ELOVL7: variants seen among roughly 807,000 people sequenced by gnomAD.
ELOVL7 encodes ELOVL fatty acid elongase 7.
Under a neutral mutation model 35.7 loss-of-function variants are expected in ELOVL7, and 27 were observed. That is an observed-to-expected ratio of 0.76 (90% CI 0.56 to 1.04). The LOEUF (loss-of-function observed/expected upper bound fraction) is 1.04. Ranked by LOEUF, ELOVL7 falls within the 50% of genes least tolerant of loss-of-function variation. The probability of loss-of-function intolerance (pLI) is 0.00; values close to 1 mark genes in which losing one functional copy is unlikely to be tolerated. For missense variants in ELOVL7, 327 were observed against 340.8 expected (o/e 0.96, Z 0.32); for synonymous variants, 113 against 114.6 (o/e 0.99, Z 0.09).
At chr5:60,828,184 G>A (rs1276641644) in intron 1 of ELOVL7, among the ~76,000 whole-genome samples, 3 of 151,980 alleles carry the variant, frequency 2.0e-5, no homozygotes, top group African/African-American at 7.3e-5. Flanking sequence ...GGACCCCTTT[G>A]ACCCCTCACC....
At chr5:60,794,579 T>G (rs1464370850) in intron 2 of ELOVL7, among the ~76,000 whole-genome samples, 1 of 152,218 alleles carries the variant, frequency 6.6e-6, no homozygotes, top group East Asian at 1.9e-4. Context: ...CTTTCAAATG[T>G]AGAGATTTAT....
chr5:60,806,602 A>T (rs1055191405), intron 1 of ELOVL7, among the ~76,000 whole-genome samples: 1 of 152,156 alleles, frequency 6.6e-6, no homozygotes, highest in African/African-American at 2.4e-5. Flanking sequence ...AAGAAAAAGA[A>T]ATGATGAAAA....
chr5:60,823,395 T>C (rs889068346), intron 1 of ELOVL7, among the ~76,000 whole-genome samples: 1 of 152,176 alleles, frequency 6.6e-6, no homozygotes, highest in African/African-American at 2.4e-5. Context: ...AATTGCCTAA[T>C]TGACCTGCCT....
chr5:60,837,313 G>GGA (rs1201486090), intron 1 of ELOVL7, among the ~76,000 whole-genome samples: 2 of 107,746 alleles, frequency 1.9e-5, no homozygotes, highest in African/African-American at 8.0e-5. Context: ...AGGGCGGGGG[G>GGA]GTGGGGGGGG....
intron 1 of ELOVL7, among the ~76,000 whole-genome samples, chr5:60,804,277 A>C (rs546312952): frequency 6.6e-6 from 1 of 152,352 alleles, no homozygotes; most frequent in Admixed American, 6.5e-5. Context: ...GAATCTAAGC[A>C]GAGCAATCAG....
In ELOVL7 at chr5:60,754,415, A is replaced by AAACAAG; in HGVS notation, c.*208_*209insCTTGTT. 1 of 544,566 alleles carries AAACAAG rather than the reference A, an allele frequency of 1.8e-6. No homozygotes were observed. The highest frequency in any genetic ancestry group is 3.2e-6 in the Non-Finnish European group (1 of 308,336). 33.7% of individuals were successfully genotyped at this position (544,566 alleles called of 1,614,324 possible). ...GCTAAAAAAACAAAAACAAAAACAA[A>AAACAAG]AACAAATTCTGGCTGCTGTAGGCTC... On this transcript the variant is annotated 3_prime_UTR_variant, in exon 9 of 9. Transcript: ENST00000508821.
At chr5:60,836,515 T>C (rs1746806451) in intron 1 of ELOVL7, among the ~76,000 whole-genome samples, 1 of 152,006 alleles carries the variant, frequency 6.6e-6, no homozygotes. Context: ...TTCTGAGACA[T>C]AAATCTTTCT....
At chr5:60,837,181 C>A (rs1034577793) in intron 1 of ELOVL7, among the ~76,000 whole-genome samples, 9 of 150,648 alleles carry the variant, frequency 6.0e-5, no homozygotes, top group Non-Finnish European at 1.0e-4. Context: ...CGCCTGTAAT[C>A]CCAGCACTTT....
intron 1 of ELOVL7, among the ~76,000 whole-genome samples, chr5:60,837,891 A>G (rs977302443): frequency 6.6e-6 from 1 of 152,202 alleles, no homozygotes; most frequent in Admixed American, 6.5e-5. Flanking sequence ...AGCCAAGAGC[A>G]TGCCATTGCA....
intron 8 of ELOVL7, among the ~76,000 whole-genome samples, chr5:60,755,916 T>C (rs1741514025): frequency 6.6e-6 from 1 of 152,220 alleles, no homozygotes; most frequent in African/African-American, 2.4e-5. Context: ...TCACAATCTG[T>C]CTAGTTAAAA....
chr5:60,831,616 C>T (rs940377919), intron 1 of ELOVL7, among the ~76,000 whole-genome samples: 1 of 152,188 alleles, frequency 6.6e-6, no homozygotes, highest in African/African-American at 2.4e-5. Context: ...ATCCACAATT[C>T]GTGAGTTATC....
chr5:60,823,369 A>T (rs1745995742), intron 1 of ELOVL7, among the ~76,000 whole-genome samples: 1 of 152,166 alleles, frequency 6.6e-6, no homozygotes, highest in African/African-American at 2.4e-5. Flanking sequence ...CGCCCATAGC[A>T]TGTACCATGT....
chr5:60,765,984 G>C (rs1010661658), intron 6 of ELOVL7, among the ~76,000 whole-genome samples: 4 of 152,148 alleles, frequency 2.6e-5, no homozygotes, highest in Admixed American at 2.6e-4. Context: ...ACGCTAATTT[G>C]TGACACGTGC....
At chr5:60,759,064 TC>T (rs1401413655) in intron 7 of ELOVL7, among the ~76,000 whole-genome samples, 1 of 152,150 alleles carries the variant, frequency 6.6e-6, no homozygotes, top group Non-Finnish European at 1.5e-5. Context: ...AAATAATTAT[TC>T]CTAATTGCAG....
At chr5:60,791,911 T>G (rs1743961044) in intron 2 of ELOVL7, among the ~76,000 whole-genome samples, 1 of 152,214 alleles carries the variant, frequency 6.6e-6, no homozygotes, top group Non-Finnish European at 1.5e-5. Context: ...TGCGATTTTT[T>G]TCCTCTTCTT....
chr5:60,784,157 G>A, intron 3 of ELOVL7: 1 of 1,518,122 alleles, frequency 6.6e-7, no homozygotes. Flanking sequence ...TTAAGTAGCA[G>A]GTACTGGCTC....
At chr5:60,824,000 G>A (rs1746028192) in intron 1 of ELOVL7, among the ~76,000 whole-genome samples, 1 of 152,178 alleles carries the variant, frequency 6.6e-6, no homozygotes, top group South Asian at 2.1e-4. Context: ...TCAGCTACCT[G>A]GGTATCCCTG....
chr5:60,776,080 C>G (rs1297157546), intron 3 of ELOVL7, among the ~76,000 whole-genome samples: 1 of 152,060 alleles, frequency 6.6e-6, no homozygotes, highest in Non-Finnish European at 1.5e-5. Context: ...ACTATGCATC[C>G]AACAGGACTA....
rs776833791 is a variant in ELOVL7 at position 60,787,414 on chromosome 5, T to C, written c.-17A>G. The C allele has an allele frequency of 6.3e-7, 1 of 1,581,162 alleles. No homozygotes were observed. Among genetic ancestry groups the C allele is most frequent in the Non-Finnish European group, 8.6e-7 (1 of 1,166,682 alleles). ...GAAGGCCATTTTCCACAGGATTTACTGGCTCTTTTAATGGGTTCTTCAGTA... is the reference window on the plus strand; with the variant it reads ...GAAGGCCATTTTCCACAGGATTTACCGGCTCTTTTAATGGGTTCTTCAGTA... On this transcript the variant is annotated 5_prime_UTR_variant, in exon 3 of 9. Transcript: ENST00000508821.
Sources: allele counts gnomAD v4.1 joint callset (sites outside exome capture counted in the v4.1 genomes callset), GRCh38; gene constraint gnomAD v4.1.1; transcripts MANE v1.5; gene names NCBI Gene and HGNC (gene_info 2026-07-23, HGNC 2026-07-21).